FAM184A: variants seen among roughly 807,000 people sequenced by gnomAD.
FAM184A encodes the protein protein FAM184A.
FAM184A carries 99 observed loss-of-function variants against 143.8 expected under a neutral mutation model. The observed-to-expected ratio is 0.69, with a 90% CI of 0.58 to 0.81. The LOEUF is 0.81. Ranked by LOEUF, FAM184A falls within the 40% of genes least tolerant of loss-of-function variation. FAM184A has a pLI of 0.00. For synonymous variants in FAM184A, 427 were observed against 446.4 expected, an observed-to-expected ratio of 0.96 and a Z score of 0.55; for missense variants, 1,217 against 1,310.5, an observed-to-expected ratio of 0.93 and a Z score of 1.10.
chr6:118,975,310 A>G, intron 12 of FAM184A, 102 bp from the exon 13 acceptor site: 1 of 839,698 alleles, frequency 1.2e-6, no homozygotes, highest in South Asian at 2.0e-5. Context: ...AAATGTAATC[A>G]TTCTGACATT....
chr6:119,097,306 T>C (rs1788532495), intron 1 of FAM184A, among the ~76,000 whole-genome samples: 1 of 152,162 alleles, frequency 6.6e-6, no homozygotes, highest in South Asian at 2.1e-4. Flanking sequence ...TGTCCTACTC[T>C]CCAATTTCTT....
chr6:119,050,344 T>C (rs1439361541), intron 1 of FAM184A, among the ~76,000 whole-genome samples: 2 of 152,088 alleles, frequency 1.3e-5, no homozygotes, highest in Non-Finnish European at 2.9e-5. Flanking sequence ...CCCAGAGGAA[T>C]ATAAATCATT....
At chr6:119,122,507 T>C (rs1789244117) in intron 1 of FAM184A, among the ~76,000 whole-genome samples, 1 of 152,202 alleles carries the variant, frequency 6.6e-6, no homozygotes, top group East Asian at 1.9e-4. Flanking sequence ...AACAGGAATG[T>C]ATGCCAAGTA....
chr6:119,067,184 G>A (rs1162403921), intron 1 of FAM184A, among the ~76,000 whole-genome samples: 1 of 152,128 alleles, frequency 6.6e-6, no homozygotes, highest in Admixed American at 6.6e-5. Context: ...TATGATTGTA[G>A]GGTGGCCTGT....
chr6:118,993,000 T>C (rs1003819497), intron 9 of FAM184A, among the ~76,000 whole-genome samples: 2 of 152,200 alleles, frequency 1.3e-5, no homozygotes, highest in Middle Eastern at 3.2e-3. Context: ...TATTCTGTTA[T>C]TGCAGTCCAA....
chr6:119,089,959 T>C (rs189084290), intron 1 of FAM184A, among the ~76,000 whole-genome samples: 5 of 152,320 alleles, frequency 3.3e-5, no homozygotes, highest in Admixed American at 3.3e-4. Flanking sequence ...ACATGCACAA[T>C]AAATGTTTAT....
chr6:119,017,004 T>A, intron 4 of FAM184A, 60 bp from the exon 5 acceptor site: 1 of 1,103,748 alleles, frequency 9.1e-7, no homozygotes, highest in African/African-American at 1.6e-5. Flanking sequence ...GTTATTAGGG[T>A]AATTTGAATA....
chr6:119,127,018 C>T (rs1789384756), intron 1 of FAM184A, among the ~76,000 whole-genome samples: 1 of 152,196 alleles, frequency 6.6e-6, no homozygotes, highest in Non-Finnish European at 1.5e-5. Flanking sequence ...TTCCTTTTCT[C>T]TGCCAGCTGG....
chr6:119,030,787 T>C (rs1393618928), intron 1 of FAM184A, among the ~76,000 whole-genome samples: 1 of 151,984 alleles, frequency 6.6e-6, no homozygotes, highest in East Asian at 1.9e-4. Context: ...AAAAACTCTC[T>C]TAAAGTCTCT....
At position 119,024,305 on chromosome 6, in the gene FAM184A, T is replaced by G; in HGVS notation, c.668A>C (p.His223Pro). 2 of 1,614,182 alleles carry G rather than the reference T, an allele frequency of 1.2e-6. No homozygotes were observed. The highest frequency in any genetic ancestry group is 8.5e-7 in the Non-Finnish European group (1 of 1,180,030). Residue 223 changes from histidine to proline, a missense_variant, in exon 2 of 18, where the codon CAC (histidine) becomes CCC (proline). His to Pro is a moderately conservative substitution (Grantham distance 77). Coordinates refer to ENST00000338891, the MANE Select transcript of FAM184A (RefSeq NM_024581.6). Reference sequence around the variant, plus strand: ...GTTTAGGGACTCCACCTCCATTCTGTGTAGTTCCTCTGCCTTTTCCTGGCC... The same window carrying G: ...GTTTAGGGACTCCACCTCCATTCTGGGTAGTTCCTCTGCCTTTTCCTGGCC... ...NKGQEKAEEL[H>P]RMEVESLNKM... is the part of the protein sequence containing the mutation.
At chr6:119,100,832 G>A (rs112220557) in intron 1 of FAM184A, among the ~76,000 whole-genome samples, 15 of 151,850 alleles carry the variant, frequency 9.9e-5, no homozygotes, top group African/African-American at 2.4e-4. Flanking sequence ...GGCAGCGGGC[G>A]CCTATAGTCC....
At chr6:119,025,298 A>C (rs1394773694) in intron 1 of FAM184A, among the ~76,000 whole-genome samples, 1 of 152,208 alleles carries the variant, frequency 6.6e-6, no homozygotes, top group Non-Finnish European at 1.5e-5. Flanking sequence ...AAAGCCTTTT[A>C]TCTTTGTAAT....
At chr6:119,147,388 C>T (rs374317837) in intron 1 of FAM184A, among the ~76,000 whole-genome samples, 2 of 151,842 alleles carry the variant, frequency 1.3e-5, no homozygotes, top group African/African-American at 4.8e-5. Flanking sequence ...GTGGGTGGGG[C>T]CTTTTGCCAA....
In FAM184A at chr6:119,011,451, T is replaced by A. The variant is rs543513047; in HGVS notation, c.1531-20A>T. On this transcript the variant is annotated intron_variant, in intron 5 of 17. Transcript: ENST00000338891. ...CAAATCCTTAGAAAAAGAAATTTTT[T>A]AAAAATTAACAAAATTGCAAGTATT... is the stretch of plus-strand genomic sequence containing the variant. 7.1e-5 allele frequency: 100 copies of A among 1,417,326 alleles called. 1 individual carries two copies. In the South Asian group the frequency reaches 7.2e-4, roughly 10 times the overall value. The allele number at this position is 1,417,326 out of a possible 1,614,324, so 87.8% of individuals were successfully genotyped here. A position where few individuals can be genotyped will look rare whatever the true frequency, so the allele number is the denominator to read the frequency against.
intron 1 of FAM184A, among the ~76,000 whole-genome samples, chr6:119,067,336 T>C (rs868290765): frequency 3.3e-5 from 5 of 152,204 alleles, no homozygotes; most frequent in Admixed American, 6.5e-5. Context: ...ATAAGAGTCA[T>C]AGTCACTTAG....
chr6:119,010,050 G>A (rs910787775), intron 6 of FAM184A, among the ~76,000 whole-genome samples: 2 of 152,150 alleles, frequency 1.3e-5, no homozygotes, highest in Admixed American at 1.3e-4. Flanking sequence ...CAGGAAAAAG[G>A]CAATACCCCT....
At position 119,098,883 on chromosome 6, in the gene FAM184A, G is replaced by A. The variant is rs149463610; in HGVS notation, c.-202+50195C>T. On this transcript the variant is annotated intron_variant, in intron 1 of 16. Coordinates refer to the FAM184A transcript ENST00000352896. ...GCGGCACTTTGGGAGGCCGATGCGGGTGGATCACCTGAAGTCAAGAGTGGG... is the reference window on the plus strand; with the variant it reads ...GCGGCACTTTGGGAGGCCGATGCGGATGGATCACCTGAAGTCAAGAGTGGG... 7.6e-3 allele frequency among the ~76,000 whole-genome samples: 1,162 copies of A among 152,310 alleles called. 15 individuals carry two copies. The highest frequency in any genetic ancestry group is 0.027 in the African/African-American group (1,112 of 41,562).
At chr6:119,021,223 GA>G (rs1785435373) in intron 3 of FAM184A, among the ~76,000 whole-genome samples, 1 of 151,936 alleles carries the variant, frequency 6.6e-6, no homozygotes, top group Non-Finnish European at 1.5e-5. Flanking sequence ...TTAGAGGAAG[GA>G]AAATCTGAGA....
Position 118,974,493 on chromosome 6 carries a change from G to A in FAM184A, c.2850C>T (p.Ile950=), listed in dbSNP as rs777072854. The change falls in exon 14 of 18, where the codon ATC becomes ATT. Residue 950 remains isoleucine, a synonymous_variant. Transcript: ENST00000338891. Reference sequence around the variant, plus strand: ...TAGTCTTATTAAAATCTGCCCGCATGATATTTTTCTCTCTGAGGTGGTCTG... The same window carrying A: ...TAGTCTTATTAAAATCTGCCCGCATAATATTTTTCTCTCTGAGGTGGTCTG... ...MTADHLREKN[I]MRADFNKTNE... The A allele has an allele frequency of 3.1e-6, 5 of 1,612,736 alleles. No individual in the cohort carries two copies. The South Asian group carries it at 5.5e-5, about 18-fold the overall frequency.
Sources: allele counts gnomAD v4.1 joint callset (sites outside exome capture counted in the v4.1 genomes callset), GRCh38; gene constraint gnomAD v4.1.1; transcripts MANE v1.5; gene names NCBI Gene and HGNC (gene_info 2026-07-23, HGNC 2026-07-21).